The following ENOX2 variants were observed in gnomAD, a reference collection of about 807,000 sequenced individuals.
ENOX2 encodes the protein APK1 antigen.
In ENOX2, 36 loss-of-function variants were observed where a neutral mutation model predicts 45.0. That is an observed-to-expected ratio of 0.80 (90% CI 0.61 to 1.06). The LOEUF (loss-of-function observed/expected upper bound fraction) is 1.06. ENOX2 is among the 50% of genes least tolerant of loss of function. The pLI, the probability that ENOX2 is intolerant of heterozygous loss-of-function variation, is 0.00. For synonymous variants in ENOX2, 174 were observed against 152.3 expected (o/e 1.14, Z -1.05); for missense variants, 423 against 462.5 (o/e 0.91, Z 0.78).
rs943867221 is a variant in ENOX2, at chrX:130,631,565, A to G, written c.1431T>C (p.Ala477=). The change falls in exon 13 of 15, where the codon GCT becomes GCC. Residue 477 remains alanine, a synonymous_variant. Coordinates refer to ENST00000394363, the MANE Select transcript of ENOX2 (RefSeq NM_006375.4). ...LENLKEKESC[A]SRLCASNQDS... ...CCTGGTTTGAGGCACACAGCCTAGA[A>G]GCACAGCTTTCCTGTGGACACAACA... The G allele has an allele frequency of 2.5e-6, 3 of 1,177,834 alleles. No homozygotes were observed. The African/African-American group carries it at 5.3e-5, about 21-fold the overall frequency.
At chrX:130,817,151 T>C (rs1374521735) in intron 2 of ENOX2, among the ~76,000 whole-genome samples, 2 of 111,721 alleles carry the variant, frequency 1.8e-5, no homozygotes, top group African/African-American at 6.5e-5. Context: ...TCTACGTAAA[T>C]AAATTGGAAA....
intron 2 of ENOX2, among the ~76,000 whole-genome samples, chrX:130,831,162 GAGCCCTCA>G (rs1176993509): frequency 2.7e-5 from 3 of 110,547 alleles, no homozygotes; most frequent in African/African-American, 9.9e-5. Context: ...CATGAGGACA[GAGCCCTCA>G]TGACCTAATC....
Position 130,807,634 on chromosome X carries a change from C to G in ENOX2, c.-182-23944G>C, listed in dbSNP as rs146344860. ...TCTATAGGTGCCATCTAAAATTATT[C>G]ATTTTAGTCTAAAGTCCTTCCTTAA... On this transcript the variant is annotated intron_variant, in intron 2 of 14. Coordinates refer to ENST00000394363, the MANE Select transcript of ENOX2 (RefSeq NM_006375.4). Among the ~76,000 whole-genome samples the G allele has an allele frequency of 1.1e-4, 12 of 111,945 alleles. No homozygotes were observed. The East Asian group carries it at 3.4e-3, about 31-fold the overall frequency.
chrX:130,693,578 T>C (rs975327438), intron 4 of ENOX2, among the ~76,000 whole-genome samples: 3 of 112,181 alleles, frequency 2.7e-5, no homozygotes, highest in African/African-American at 9.7e-5. Context: ...ATGGTTTCAA[T>C]GAATTAATAT....
intron 2 of ENOX2, among the ~76,000 whole-genome samples, chrX:130,873,707 T>C (rs181723489): frequency 4.4e-4 from 49 of 111,851 alleles, no homozygotes; most frequent in African/African-American, 1.5e-3. Context: ...TGGAATACTA[T>C]GCAGTCATAA....
intron 2 of ENOX2, among the ~76,000 whole-genome samples, chrX:130,828,510 A>G (rs2077761463): frequency 8.9e-6 from 1 of 112,227 alleles, no homozygotes; most frequent in East Asian, 2.8e-4. Flanking sequence ...TTAATACCAT[A>G]CGGAAAGTAA....
chrX:130,630,021 G>A (rs1175815615), intron 13 of ENOX2, among the ~76,000 whole-genome samples: 1 of 111,653 alleles, frequency 9.0e-6, no homozygotes, highest in African/African-American at 3.3e-5. Flanking sequence ...TGCCCTTTCG[G>A]GTCGGTAATA....
chrX:130,890,408 G>T (rs2078968293), intron 2 of ENOX2, among the ~76,000 whole-genome samples: 1 of 111,534 alleles, frequency 9.0e-6, no homozygotes, highest in Admixed American at 9.5e-5. Flanking sequence ...CCGTCACCAA[G>T]CCTGACTGAT....
intron 2 of ENOX2, among the ~76,000 whole-genome samples, chrX:130,837,457 G>A (rs185307325): frequency 2.7e-5 from 3 of 111,996 alleles, no homozygotes; most frequent in African/African-American, 9.7e-5. Flanking sequence ...ATGGTCCTTT[G>A]AGGTTATCTT....
rs147133797 is a variant in ENOX2, at chrX:130,884,317, T to C, written c.-183+17367A>G. On this transcript the variant is annotated intron_variant, in intron 2 of 14. Coordinates refer to ENST00000394363, the MANE Select transcript of ENOX2 (RefSeq NM_006375.4). The stretch of plus-strand genomic sequence containing the variant: ...CAATTACATGGTATCTGAGATAATA[T>C]ATTCATTACCATCTTAAAGTCTCAT... Among the ~76,000 whole-genome samples, 575 of 112,450 alleles carry C rather than the reference T, an allele frequency of 5.1e-3. 2 individuals carry two copies. Among genetic ancestry groups the C allele is most frequent in the African/African-American group, 0.018 (547 of 30,994 alleles).
At chrX:130,644,744 G>A (rs1000547237) in intron 10 of ENOX2, among the ~76,000 whole-genome samples, 1 of 111,688 alleles carries the variant, frequency 9.0e-6, no homozygotes, top group African/African-American at 3.2e-5. Context: ...GATTAGTGAG[G>A]AGGAAGGGAT....
chrX:130,886,349 A>T (rs1416263159), intron 2 of ENOX2, among the ~76,000 whole-genome samples: 1 of 112,807 alleles, frequency 8.9e-6, no homozygotes, highest in Non-Finnish European at 1.9e-5. Flanking sequence ...TTGACAACAA[A>T]TGATATTCAA....
intron 3 of ENOX2, among the ~76,000 whole-genome samples, chrX:130,704,326 T>G (rs753305956): frequency 9.0e-6 from 1 of 111,617 alleles, no homozygotes; most frequent in Non-Finnish European, 1.9e-5. Flanking sequence ...TCATGAGTGA[T>G]GAGCAGTTAT....
chrX:130,850,913 C>CT (rs36066677), intron 2 of ENOX2, among the ~76,000 whole-genome samples: 1 of 112,357 alleles, frequency 8.9e-6, no homozygotes, highest in Admixed American at 9.4e-5. Context: ...TATGTTTTGT[C>CT]TTTTTGCACT....
chrX:130,647,045 T>C (rs5977333), intron 10 of ENOX2, among the ~76,000 whole-genome samples: 1,427 of 112,542 alleles, frequency 0.013, 21 homozygotes, highest in African/African-American at 0.044. Context: ...CAGTGGGCAC[T>C]GTGTGTCCTC....
At chrX:130,831,217 T>C (rs1259503899) in intron 2 of ENOX2, among the ~76,000 whole-genome samples, 1 of 111,472 alleles carries the variant, frequency 9.0e-6, no homozygotes, top group East Asian at 2.8e-4. Context: ...ACTGTTAACA[T>C]TGGCAATGAC....
intron 2 of ENOX2, among the ~76,000 whole-genome samples, chrX:130,866,780 T>C (rs1384907781): frequency 9.0e-6 from 1 of 111,513 alleles, no homozygotes; most frequent in Admixed American, 9.6e-5. Context: ...TTTTGCTTTT[T>C]CATTGTCTCA....
intron 3 of ENOX2, among the ~76,000 whole-genome samples, chrX:130,728,897 G>T (rs951868395): frequency 9.0e-6 from 1 of 111,608 alleles, no homozygotes; most frequent in Non-Finnish European, 1.9e-5. Flanking sequence ...GTTAGAACAC[G>T]TGTGGCCTTT....
At chrX:130,780,692 C>T (rs2039950905) in intron 3 of ENOX2, among the ~76,000 whole-genome samples, 1 of 111,378 alleles carries the variant, frequency 9.0e-6, no homozygotes, top group African/African-American at 3.3e-5. Context: ...CACAGGTGAC[C>T]TTTAAGAAAT....
Sources: gnomAD v4.1 joint callset for allele counts (sites outside exome capture counted in the v4.1 genomes callset) on GRCh38, gnomAD v4.1.1 for gene constraint, MANE v1.5 for transcripts, NCBI Gene and HGNC (gene_info 2026-07-23, HGNC 2026-07-21) for gene names.